The following ATAD2B variants were observed in gnomAD, a reference collection of about 807,000 sequenced individuals.
The protein encoded by ATAD2B is ATPase family AAA domain containing 2B.
ATAD2B carries 40 observed loss-of-function variants against 167.6 expected under a neutral mutation model. That is an observed-to-expected ratio of 0.24 (90% CI 0.19 to 0.31). The LOEUF is 0.31. Among genes scored for constraint, ATAD2B ranks in the 10% least tolerant of loss-of-function variants. ATAD2B has a pLI of 1.00. For missense variants in ATAD2B, 1,242 were observed against 1,757.2 expected (o/e 0.71, Z 5.24); for synonymous variants, 579 against 596.5 (o/e 0.97, Z 0.43).
chr2:23,736,893 A>C, the ATAD2B span, among the ~76,000 whole-genome samples: 3 of 152,310 alleles, frequency 2.0e-5, no homozygotes, highest in South Asian at 6.2e-4. Context: ...CCAGGAGATT[A>C]TATCCCGCAC....
chr2:23,720,524 A>G, the ATAD2B span, among the ~76,000 whole-genome samples: 1 of 41,702 alleles, frequency 2.4e-5, no homozygotes, highest in Non-Finnish European at 5.6e-5. Context: ...CAAGATCTCT[A>G]TAAGAGATTG....
At chr2:23,781,376 A>ATAAT (rs1680031406) in intron 22 of ATAD2B, among the ~76,000 whole-genome samples, 1 of 147,944 alleles carries the variant, frequency 6.8e-6, no homozygotes, top group Admixed American at 6.7e-5. Context: ...AAATAAATAA[A>ATAAT]TAATCAGGCT....
chr2:23,834,605 C>A (rs1429211295), intron 13 of ATAD2B, among the ~76,000 whole-genome samples: 1 of 151,846 alleles, frequency 6.6e-6, no homozygotes, highest in Non-Finnish European at 1.5e-5. Flanking sequence ...AAATGGACTT[C>A]ATCAAAATTA....
rs75037418 is a variant in ATAD2B, at chr2:23,852,493, T to C, written c.1568+4922A>G. ...CAGATGCAGATATTTTAAGAGTAATTACAGATCAAAATCTCATTAATACAG... is the reference window on the plus strand; with the variant it reads ...CAGATGCAGATATTTTAAGAGTAATCACAGATCAAAATCTCATTAATACAG... On this transcript the variant is annotated intron_variant, in intron 13 of 27. Transcript: ENST00000238789. Among the ~76,000 whole-genome samples the C allele has an allele frequency of 1.5e-4, 23 of 152,256 alleles. No homozygotes were observed. The East Asian group carries it at 4.2e-3, about 28-fold the overall frequency.
intron 10 of ATAD2B, 53 bp downstream of exon 10, chr2:23,867,782 A>G: frequency 7.6e-7 from 1 of 1,320,534 alleles, no homozygotes; most frequent in East Asian, 2.3e-5. Flanking sequence ...TAGAAACAAG[A>G]AAAAAACTTT....
chr2:23,704,068 C>T, the ATAD2B span, among the ~76,000 whole-genome samples: 6 of 152,328 alleles, frequency 3.9e-5, no homozygotes, highest in South Asian at 2.1e-4. Context: ...AGCCCAACCC[C>T]GGGGCTCCAG....
At chr2:23,858,691 C>T (rs1164170305) in intron 12 of ATAD2B, among the ~76,000 whole-genome samples, 6 of 151,832 alleles carry the variant, frequency 4.0e-5, no homozygotes, top group South Asian at 2.1e-4. Context: ...CTATGTTGCC[C>T]GGGATGGTCT....
rs1268071303 is a variant in ATAD2B, at chr2:23,771,734, A to G, written c.3134-6106T>C. 2.0e-5 allele frequency among the ~76,000 whole-genome samples: 3 copies of G among 151,974 alleles called. No homozygotes were observed. In the East Asian group the frequency reaches 5.8e-4, roughly 29 times the overall value. On this transcript the variant is annotated intron_variant, in intron 22 of 27. Transcript: ENST00000238789. The stretch of plus-strand genomic sequence containing the variant: ...TTGTTGGTTTATTAGCTCTAACTCT[A>G]TTGCGGCCCCTGTGTGAACTTTAAG...
Position 23,750,933 on chromosome 2 carries a change from A to G in ATAD2B, c.*1113T>C, listed in dbSNP as rs1206005672. ...AATACTGTTATTCAAGGACCATACC[A>G]GAGCTCGTTTGCAATTAAGCATACA... On this transcript the variant is annotated 3_prime_UTR_variant, in exon 28 of 28. Transcript: ENST00000238789. 6.6e-6 allele frequency: 1 copy of G among 152,152 alleles called. No individual in the cohort carries two copies. The highest frequency in any genetic ancestry group is 1.5e-5 in the Non-Finnish European group (1 of 68,002). 9.4% of individuals were successfully genotyped at this position (152,152 alleles called of 1,614,324 possible). A position where few individuals can be genotyped will look rare whatever the true frequency, so the allele number is the denominator to read the frequency against.
chr2:23,854,036 A>G lies in ATAD2B; in HGVS notation c.1568+3379T>C, dbSNP rs577512709. Among the ~76,000 whole-genome samples the G allele has an allele frequency of 5.9e-5, 9 of 152,224 alleles. No individual in the cohort carries two copies. In the East Asian group the frequency reaches 1.5e-3, roughly 26 times the overall value. On this transcript the variant is annotated intron_variant, in intron 13 of 27. Coordinates refer to ENST00000238789, the MANE Select transcript of ATAD2B (RefSeq NM_017552.4). ...CGAAGCAGGAGAATCACCTGAGGTC[A>G]GAAGTTCGAGACCAGCCTGGCCAAC...
the ATAD2B span, among the ~76,000 whole-genome samples, chr2:23,728,521 C>T: frequency 6.6e-6 from 1 of 152,082 alleles, no homozygotes; most frequent in African/African-American, 2.4e-5. Context: ...TAAAACCTAA[C>T]ATGAACTAAA....
intron 17 of ATAD2B, among the ~76,000 whole-genome samples, chr2:23,819,255 C>T (rs959947887): frequency 2.0e-5 from 3 of 152,070 alleles, no homozygotes; most frequent in South Asian, 2.1e-4. Flanking sequence ...CCCAGCACTT[C>T]GGGAGTCCAA....
chr2:23,892,273 C>T (rs956196212), intron 2 of ATAD2B, among the ~76,000 whole-genome samples: 1 of 152,168 alleles, frequency 6.6e-6, no homozygotes, highest in East Asian at 1.9e-4. Context: ...ACGCCATTCT[C>T]CTGCCTCAGC....
the ATAD2B span, among the ~76,000 whole-genome samples, chr2:23,725,259 T>A: frequency 1.3e-5 from 2 of 152,106 alleles, no homozygotes; most frequent in African/African-American, 4.8e-5. Flanking sequence ...AATTCTCAAA[T>A]GAAGGAAAAC....
At position 23,750,556 on chromosome 2, in the gene ATAD2B, A is replaced by G. The variant is rs1017872604; in HGVS notation, c.*1490T>C. 2.0e-5 allele frequency: 3 copies of G among 152,148 alleles called. No homozygotes were observed. Among genetic ancestry groups the G allele is most frequent in the African/African-American group, 7.2e-5 (3 of 41,444 alleles). 9.4% of individuals were successfully genotyped at this position (152,148 alleles called of 1,614,324 possible). A position where few individuals can be genotyped will look rare whatever the true frequency, so the allele number is the denominator to read the frequency against. ...AGCTGAGGTAGCTCAGAATCTCTGC[A>G]GTAGTCCAAGACCATTCGCCCTAAT... On this transcript the variant is annotated 3_prime_UTR_variant, in exon 28 of 28. Coordinates refer to ENST00000238789, the MANE Select transcript of ATAD2B (RefSeq NM_017552.4).
At chr2:23,856,543 T>C (rs1291233480) in intron 13 of ATAD2B, 1 of 231,362 alleles carries the variant, frequency 4.3e-6, no homozygotes, top group East Asian at 1.7e-4. Flanking sequence ...TCCTGGGGAG[T>C]GAAAAAGAAT....
chr2:23,867,712 T>C, intron 10 of ATAD2B, 123 bp downstream of exon 10: 1 of 668,626 alleles, frequency 1.5e-6, no homozygotes, highest in East Asian at 2.6e-5. Context: ...TTTCAAAACA[T>C]ATACATCGAA....
chr2:23,857,666 T>C (rs2149977439), intron 12 of ATAD2B, among the ~76,000 whole-genome samples, 163 bp from the exon 13 acceptor site: 1 of 151,916 alleles, frequency 6.6e-6, no homozygotes, highest in Admixed American at 6.6e-5. Context: ...AACAACCATG[T>C]CTCCTCCAGT....
chr2:23,706,385 A>G, the ATAD2B span: 1 of 971,236 alleles, frequency 1.0e-6, no homozygotes, highest in East Asian at 3.2e-5. Flanking sequence ...TGCAAAAGGC[A>G]CAGGCAGCCT....
Sources: gnomAD v4.1 joint callset for allele counts (sites outside exome capture counted in the v4.1 genomes callset) on GRCh38, gnomAD v4.1.1 for gene constraint, MANE v1.5 for transcripts, NCBI Gene and HGNC (gene_info 2026-07-23, HGNC 2026-07-21) for gene names.